The following ZFAND6 variants were observed in gnomAD, a reference collection of about 807,000 sequenced individuals.
The protein encoded by ZFAND6 is AN1-type zinc finger protein 6.
A neutral mutation model predicts 24.5 loss-of-function variants in ZFAND6; 12 were observed. That is an observed-to-expected ratio of 0.49 (90% CI 0.31 to 0.79). ZFAND6 has a LOEUF of 0.79. Ranked by LOEUF, ZFAND6 falls within the 30% of genes least tolerant of loss-of-function variation. The probability of loss-of-function intolerance (pLI) is 0.04; values close to 1 mark genes in which losing one functional copy is unlikely to be tolerated. For missense variants in ZFAND6, 207 were observed against 245.9 expected (o/e 0.84, Z 1.06); for synonymous variants, 92 against 81.5 (o/e 1.13, Z -0.69).
chr15:80,081,867 G>C (rs949141384), intron 1 of ZFAND6, among the ~76,000 whole-genome samples: 1 of 152,214 alleles, frequency 6.6e-6, no homozygotes, highest in African/African-American at 2.4e-5. Flanking sequence ...GTTTGTTATA[G>C]ATGATTGCTG....
chr15:80,077,730 C>T (rs1298182763), intron 1 of ZFAND6, among the ~76,000 whole-genome samples: 7 of 128,902 alleles, frequency 5.4e-5, no homozygotes, highest in South Asian at 2.5e-4. Flanking sequence ...GACAGAGTCT[C>T]GCTCTGTCAC....
At chr15:80,133,916 G>T (rs915993119) in intron 6 of ZFAND6, among the ~76,000 whole-genome samples, 1 of 151,750 alleles carries the variant, frequency 6.6e-6, no homozygotes, top group Non-Finnish European at 1.5e-5. Flanking sequence ...TTCGTGATCG[G>T]TTACATTAAT....
chr15:80,062,954 A>G (rs910659824), intron 1 of ZFAND6, among the ~76,000 whole-genome samples: 1 of 152,204 alleles, frequency 6.6e-6, no homozygotes, highest in Non-Finnish European at 1.5e-5. Flanking sequence ...ATCTTATTTC[A>G]TATAAGATGA....
chr15:80,094,082 A>G (rs1005539617), intron 1 of ZFAND6, among the ~76,000 whole-genome samples: 11 of 152,250 alleles, frequency 7.2e-5, no homozygotes, highest in African/African-American at 2.4e-4. Flanking sequence ...AAACAAGATA[A>G]GGAATCTGGT....
At chr15:80,134,643 T>C (rs766193323) in intron 6 of ZFAND6, among the ~76,000 whole-genome samples, 6 of 152,218 alleles carry the variant, frequency 3.9e-5, no homozygotes, top group Admixed American at 2.0e-4. Context: ...ATTGTGGATA[T>C]GGCAAGAAAG....
intron 6 of ZFAND6, among the ~76,000 whole-genome samples, chr15:80,132,617 C>G (rs193095438): frequency 1.1e-4 from 16 of 152,340 alleles, no homozygotes; most frequent in African/African-American, 2.2e-4. Flanking sequence ...CTGATCACCT[C>G]TGTTTCAGCA....
chr15:80,083,892 C>T (rs931611390), intron 1 of ZFAND6, among the ~76,000 whole-genome samples: 4 of 152,002 alleles, frequency 2.6e-5, no homozygotes. Context: ...CTTTAGGGCC[C>T]AGGAGGAAAA....
chr15:80,103,582 A>G (rs527655699), intron 2 of ZFAND6, among the ~76,000 whole-genome samples: 1 of 152,230 alleles, frequency 6.6e-6, no homozygotes, highest in Non-Finnish European at 1.5e-5. Flanking sequence ...CTCTTAATCA[A>G]GAACTTAAAG....
chr15:80,110,843 A>G (rs572912842), intron 2 of ZFAND6, among the ~76,000 whole-genome samples: 3 of 152,256 alleles, frequency 2.0e-5, no homozygotes, highest in African/African-American at 7.2e-5. Flanking sequence ...TCAACTCTAG[A>G]TGGATTGCAG....
At chr15:80,064,837 G>A (rs964595999) in intron 1 of ZFAND6, among the ~76,000 whole-genome samples, 19 of 151,908 alleles carry the variant, frequency 1.3e-4, no homozygotes, top group African/African-American at 4.6e-4. Flanking sequence ...TTACCATGTT[G>A]CCCAGAATGG....
At chr15:80,110,170 C>T (rs552808190) in intron 2 of ZFAND6, among the ~76,000 whole-genome samples, 55 of 152,170 alleles carry the variant, frequency 3.6e-4, no homozygotes, top group Non-Finnish European at 5.6e-4. Flanking sequence ...GCCATTACTT[C>T]CATGGTATTC....
rs1452916500 is a variant in ZFAND6 at position 80,065,001 on chromosome 15, CCTTTT to C, written c.-181+5193_-181+5197del. Among the ~76,000 whole-genome samples the C allele has an allele frequency of 1.3e-4, 17 of 133,548 alleles. 2 individuals carry two copies. The highest frequency in any genetic ancestry group is 2.7e-4 in the African/African-American group (10 of 36,636). The allele number at this position is 133,548 out of a possible 152,430, so 87.6% of individuals were successfully genotyped here. ...TTTTCTCTTGCTCTCTCTCTCTCCCCCTTTTTTTTTTTTTTTTTTTTAACAAAACA... is the reference window on the plus strand; with the variant it reads ...TTTTCTCTTGCTCTCTCTCTCTCCCCTTTTTTTTTTTTTTTTAACAAAACA... On this transcript the variant is annotated intron_variant, in intron 1 of 6. Transcript: ENST00000261749.
chr15:80,094,208 C>G (rs1294391600), intron 1 of ZFAND6, among the ~76,000 whole-genome samples: 1 of 152,132 alleles, frequency 6.6e-6, no homozygotes, highest in Non-Finnish European at 1.5e-5. Flanking sequence ...TATCCCAGTC[C>G]CTGGGCTGGC....
intron 2 of ZFAND6, among the ~76,000 whole-genome samples, chr15:80,117,487 G>T (rs1385593370): frequency 6.6e-6 from 1 of 152,202 alleles, no homozygotes; most frequent in African/African-American, 2.4e-5. Flanking sequence ...CTCCCAAAGT[G>T]CTGGGATTAC....
chr15:80,085,080 C>T (rs959943756), intron 1 of ZFAND6, among the ~76,000 whole-genome samples: 2 of 152,204 alleles, frequency 1.3e-5, no homozygotes, highest in Non-Finnish European at 2.9e-5. Context: ...CCTCCTGGTC[C>T]TCAAGTGTTG....
At chr15:80,069,730 T>C (rs530104506) in intron 1 of ZFAND6, among the ~76,000 whole-genome samples, 21 of 152,238 alleles carry the variant, frequency 1.4e-4, no homozygotes, top group African/African-American at 4.8e-4. Context: ...TGCCTCAGTC[T>C]CCCAAGTAGC....
At chr15:80,117,950 A>G (rs1211747580) in intron 2 of ZFAND6, among the ~76,000 whole-genome samples, 1 of 151,968 alleles carries the variant, frequency 6.6e-6, no homozygotes, top group East Asian at 1.9e-4. Context: ...GGGTATGTGA[A>G]CCATACTTTG....
chr15:80,113,106 G>A (rs1295571866), intron 2 of ZFAND6, among the ~76,000 whole-genome samples: 1 of 152,154 alleles, frequency 6.6e-6, no homozygotes, highest in Non-Finnish European at 1.5e-5. Context: ...CATATTATGT[G>A]TATTTTTTTC....
At chr15:80,133,538 G>C (rs953556099) in intron 6 of ZFAND6, among the ~76,000 whole-genome samples, 2 of 152,192 alleles carry the variant, frequency 1.3e-5, no homozygotes, top group African/African-American at 4.8e-5. Flanking sequence ...AAAAAGTCAA[G>C]ATAACAGGAG....
Sources: gnomAD v4.1 joint callset for allele counts (sites outside exome capture counted in the v4.1 genomes callset) on GRCh38, gnomAD v4.1.1 for gene constraint, MANE v1.5 for transcripts, NCBI Gene and HGNC (gene_info 2026-07-23, HGNC 2026-07-21) for gene names.